The following SLCO3A1 variants were observed in gnomAD, a reference collection of about 807,000 sequenced individuals.
SLCO3A1 encodes PGE1 transporter.
Under a neutral mutation model 63.1 loss-of-function variants are expected in SLCO3A1, and 27 were observed. The ratio of observed to expected loss-of-function variants is 0.43; its 90% CI spans 0.32 to 0.59. SLCO3A1 has a LOEUF of 0.59. Among genes scored for constraint, SLCO3A1 ranks in the 20% least tolerant of loss-of-function variants. The pLI is 0.09. For synonymous variants in SLCO3A1, 473 were observed against 409.9 expected (o/e 1.15, Z -1.86); for missense variants, 773 against 945.8 (o/e 0.82, Z 2.40).
At position 91,875,684 on chromosome 15, in the gene SLCO3A1, C is replaced by A. The variant is rs888666817; in HGVS notation, c.180+21596C>A. On this transcript the variant is annotated intron_variant, in intron 1 of 9. Transcript: ENST00000318445. The surrounding 1 kb of genome is among the most constrained non-coding windows in gnomAD (Gnocchi z 4.5). Reference sequence around the variant, plus strand: ...GCTTTGAAGGTTTTGCCGTAACTCACAATAGAGAAACACAGGATGACTGAA... The same window carrying A: ...GCTTTGAAGGTTTTGCCGTAACTCAAAATAGAGAAACACAGGATGACTGAA... Among the ~76,000 whole-genome samples the A allele has an allele frequency of 6.6e-6, 1 of 152,216 alleles. No individual in the cohort carries two copies. The highest frequency in any genetic ancestry group is 1.5e-5 in the Non-Finnish European group (1 of 68,044).
intron 2 of SLCO3A1, among the ~76,000 whole-genome samples, chr15:91,925,297 C>T (rs993077066): frequency 3.9e-5 from 6 of 152,142 alleles, no homozygotes; most frequent in Admixed American, 1.3e-4. Context: ...ATGGCATGAA[C>T]GGTTTGGTTT....
chr15:92,141,732 TACC>T (rs1397755711), intron 7 of SLCO3A1, among the ~76,000 whole-genome samples: 1 of 152,214 alleles, frequency 6.6e-6, no homozygotes, highest in Non-Finnish European at 1.5e-5. Context: ...CAGTTCTTCC[TACC>T]ACACTCGGAC....
rs143410059 is a variant in SLCO3A1, at chr15:92,053,137, G to A, written c.647-41744G>A. On this transcript the variant is annotated intron_variant, in intron 2 of 9. Transcript: ENST00000318445. ...GAGTGCCTGCTATGTGCCAGGCACC[G>A]TGTAGATGCTGAGGTGGGATGGGAT... 4.4e-3 allele frequency among the ~76,000 whole-genome samples: 669 copies of A among 152,180 alleles called. 6 individuals carry two copies. Among genetic ancestry groups the A allele is most frequent in the African/African-American group, 0.015 (641 of 41,502 alleles).
intron 1 of SLCO3A1, among the ~76,000 whole-genome samples, chr15:91,887,581 G>T (rs1897757844): frequency 6.6e-6 from 1 of 152,166 alleles, no homozygotes; most frequent in Non-Finnish European, 1.5e-5. Flanking sequence ...GAACCCAGCT[G>T]GTGCCAGGGT....
At chr15:91,915,096 T>G (rs1319993838) in intron 1 of SLCO3A1, among the ~76,000 whole-genome samples, 8 of 152,132 alleles carry the variant, frequency 5.3e-5, no homozygotes, top group Admixed American at 5.2e-4. Context: ...CCTGTAAGAA[T>G]GCATCTCCTC....
intron 4 of SLCO3A1, among the ~76,000 whole-genome samples, chr15:92,104,804 T>C (rs2047647838): frequency 6.6e-6 from 1 of 152,160 alleles, no homozygotes; most frequent in South Asian, 2.1e-4. Flanking sequence ...ACCTGACATT[T>C]AATAAACATA....
chr15:92,079,808 C>G (rs1024309587), intron 2 of SLCO3A1, among the ~76,000 whole-genome samples: 1 of 152,262 alleles, frequency 6.6e-6, no homozygotes, highest in African/African-American at 2.4e-5. Flanking sequence ...AGCTTTGAAG[C>G]CTGAACTAGA....
chr15:92,131,357 C>T (rs1235728493), intron 7 of SLCO3A1, among the ~76,000 whole-genome samples: 1 of 142,330 alleles, frequency 7.0e-6, no homozygotes, highest in Non-Finnish European at 1.6e-5. Flanking sequence ...CCCTATTCCT[C>T]CCACCTCTTT....
chr15:92,045,744 A>G (rs2046853532), intron 2 of SLCO3A1, among the ~76,000 whole-genome samples: 1 of 152,200 alleles, frequency 6.6e-6, no homozygotes, highest in African/African-American at 2.4e-5. Context: ...GGCAAGGTGC[A>G]TTTATTGAGC....
chr15:92,032,514 G>A (rs1266838785), intron 2 of SLCO3A1, among the ~76,000 whole-genome samples: 4 of 152,110 alleles, frequency 2.6e-5, no homozygotes, highest in East Asian at 1.9e-4. Flanking sequence ...GTGTATGGTC[G>A]GTGCTGAAGC....
At position 92,042,046 on chromosome 15, in the gene SLCO3A1, A is replaced by G. The variant is rs1004113542; in HGVS notation, c.647-52835A>G. ...GTGGGTGGAAGCAGGCAAGAGGTCC[A>G]AGAGGTCTCAGATGAGCCCCATGTG... On this transcript the variant is annotated intron_variant, in intron 2 of 9. Coordinates refer to ENST00000318445, the MANE Select transcript of SLCO3A1 (RefSeq NM_013272.4). Among the ~76,000 whole-genome samples, 8 of 152,164 alleles carry G rather than the reference A, an allele frequency of 5.3e-5. No homozygotes were observed. The East Asian group carries it at 1.2e-3, about 22-fold the overall frequency.
At chr15:92,045,869 A>G (rs1199239060) in intron 2 of SLCO3A1, among the ~76,000 whole-genome samples, 1 of 152,162 alleles carries the variant, frequency 6.6e-6, no homozygotes, top group Non-Finnish European at 1.5e-5. Context: ...TCAGTCACCC[A>G]GTTGCTAGGA....
chr15:91,879,425 CATTTT>C (rs1897495276), intron 1 of SLCO3A1, among the ~76,000 whole-genome samples: 1 of 151,810 alleles, frequency 6.6e-6, no homozygotes, highest in Non-Finnish European at 1.5e-5. Context: ...AGTATAAAAT[CATTTT>C]ATTTAATGGG....
At chr15:91,888,489 A>G (rs1303392913) in intron 1 of SLCO3A1, among the ~76,000 whole-genome samples, 2 of 152,224 alleles carry the variant, frequency 1.3e-5, no homozygotes, top group Non-Finnish European at 2.9e-5. Flanking sequence ...GTGTGACTCT[A>G]GAATTAAACT....
intron 4 of SLCO3A1, among the ~76,000 whole-genome samples, chr15:92,106,871 C>T (rs2047673784): frequency 6.6e-6 from 1 of 152,220 alleles, no homozygotes; most frequent in African/African-American, 2.4e-5. Context: ...TGAGCCAAGT[C>T]TTGAGCCCTG....
At position 91,865,866 on chromosome 15, in the gene SLCO3A1, C is replaced by T. The variant is rs1363162306; in HGVS notation, c.180+11778C>T. On this transcript the variant is annotated intron_variant, in intron 1 of 9. Transcript: ENST00000318445. The surrounding 1 kb of genome is among the most constrained non-coding windows in gnomAD (Gnocchi z 4.6). ...GGGAAAACAAATCAATTCATAACACCAGAGAAGAAAAGAGCAAAGGATCCT... is the reference window on the plus strand; with the variant it reads ...GGGAAAACAAATCAATTCATAACACTAGAGAAGAAAAGAGCAAAGGATCCT... Among the ~76,000 whole-genome samples, 1 of 152,120 alleles carries T rather than the reference C, an allele frequency of 6.6e-6. No homozygotes were observed. The highest frequency in any genetic ancestry group is 1.5e-5 in the Non-Finnish European group (1 of 68,026).
chr15:92,095,855 A>G (rs2047532289), intron 3 of SLCO3A1, among the ~76,000 whole-genome samples: 1 of 152,170 alleles, frequency 6.6e-6, no homozygotes, highest in African/African-American at 2.4e-5. Flanking sequence ...AGTTACCAAG[A>G]CAGGAAACCA....
intron 5 of SLCO3A1, among the ~76,000 whole-genome samples, chr15:92,124,210 G>A (rs1266474712): frequency 1.3e-5 from 2 of 152,232 alleles, no homozygotes; most frequent in East Asian, 3.8e-4. Context: ...AGAGCTGGTG[G>A]TGCTGATTTG....
chr15:92,115,815 C>CA (rs765666191), intron 4 of SLCO3A1, among the ~76,000 whole-genome samples: 3,856 of 86,662 alleles, frequency 0.044, 290 homozygotes, highest in African/African-American at 0.15. Flanking sequence ...TCTCTTCCCT[C>CA]AAAAAAAAAA....
Sources: allele counts gnomAD v4.1 joint callset (sites outside exome capture counted in the v4.1 genomes callset), GRCh38; gene constraint gnomAD v4.1.1; non-coding constraint Gnocchi (gnomAD v3.1); transcripts MANE v1.5; gene names NCBI Gene and HGNC (gene_info 2026-07-23, HGNC 2026-07-21).